ST6GALNAC3: variants seen among roughly 807,000 people sequenced by gnomAD.
The protein encoded by ST6GALNAC3 is alpha-N-acetylgalactosaminide alpha-2,6-sialyltransferase 3.
Under a neutral mutation model 32.7 loss-of-function variants are expected in ST6GALNAC3, and 25 were observed. The ratio of observed to expected loss-of-function variants is 0.76; its 90% confidence interval spans 0.56 to 1.07. ST6GALNAC3 has a LOEUF of 1.07. ST6GALNAC3 is among the 50% of genes least tolerant of loss of function. ST6GALNAC3 has a pLI of 0.00. For synonymous variants in ST6GALNAC3, 129 were observed against 133.1 expected, an observed-to-expected ratio of 0.97 and a Z score of 0.21; for missense variants, 355 against 382.4, an observed-to-expected ratio of 0.93 and a Z score of 0.60.
chr1:76,384,431 T>C (rs1017860201), intron 2 of ST6GALNAC3, among the ~76,000 whole-genome samples: 20 of 152,172 alleles, frequency 1.3e-4, no homozygotes, highest in Non-Finnish European at 2.6e-4. Flanking sequence ...AATCTGACAA[T>C]CATAGTTGGT....
intron 1 of ST6GALNAC3, among the ~76,000 whole-genome samples, chr1:76,274,511 A>C (rs1659028028): frequency 6.6e-6 from 1 of 152,136 alleles, no homozygotes; most frequent in Non-Finnish European, 1.5e-5. Context: ...ATCATTTCAC[A>C]TCAGGAATCC....
intron 3 of ST6GALNAC3, among the ~76,000 whole-genome samples, chr1:76,466,597 C>T (rs1306429329): frequency 6.6e-6 from 1 of 152,066 alleles, no homozygotes; most frequent in Non-Finnish European, 1.5e-5. Flanking sequence ...TGTTAATATA[C>T]TTTGATACTA....
Position 76,631,610 on chromosome 1 carries a change from C to T in ST6GALNAC3, c.*2804C>T, listed in dbSNP as rs1378084995. The T allele has an allele frequency of 6.6e-6, 1 of 151,960 alleles. No individual in the cohort carries two copies. The highest frequency in any genetic ancestry group is 1.5e-5 in the Non-Finnish European group (1 of 67,966). 9.4% of individuals were successfully genotyped at this position (151,960 alleles called of 1,614,324 possible). ...CTGGTCAAATGAAAGATATTCTATC[C>T]AACATTTAAACATTGAAAAATTTAA... On this transcript the variant is annotated 3_prime_UTR_variant, in exon 5 of 5. Transcript: ENST00000328299.
chr1:76,341,047 A>C lies in ST6GALNAC3; in HGVS notation c.213+27048A>C, dbSNP rs142283788. Among the ~76,000 whole-genome samples the C allele has an allele frequency of 6.1e-3, 920 of 151,424 alleles. 4 individuals are homozygous for C. Among genetic ancestry groups the C allele is most frequent in the African/African-American group, 0.021 (873 of 41,284 alleles). On this transcript the variant is annotated intron_variant, in intron 2 of 4. Coordinates refer to ENST00000328299, the MANE Select transcript of ST6GALNAC3 (RefSeq NM_152996.4). ...GGCCGTTTCTGCTTGCTTTTAAAAA[A>C]CTTTAGTTTTAATTTTAGATTTAAA...
intron 3 of ST6GALNAC3, among the ~76,000 whole-genome samples, chr1:76,519,791 G>A (rs532726446): frequency 5.3e-4 from 81 of 151,570 alleles, no homozygotes; most frequent in Admixed American, 1.4e-3. Flanking sequence ...TGGTAATTGT[G>A]CTTTTAATTT....
At chr1:76,565,948 G>T (rs1665530103) in intron 3 of ST6GALNAC3, among the ~76,000 whole-genome samples, 1 of 152,180 alleles carries the variant, frequency 6.6e-6, no homozygotes, top group South Asian at 2.1e-4. Flanking sequence ...TTTATTGTGA[G>T]CAGTGTTGTA....
At chr1:76,221,060 G>C (rs2100604261) in intron 1 of ST6GALNAC3, among the ~76,000 whole-genome samples, 1 of 152,280 alleles carries the variant, frequency 6.6e-6, no homozygotes, top group South Asian at 2.1e-4. Context: ...GCCTGGAGAA[G>C]AGATCCTACT....
intron 1 of ST6GALNAC3, among the ~76,000 whole-genome samples, chr1:76,083,730 TTCAAAATGTAC>T (rs1390327924): frequency 2.0e-5 from 3 of 152,212 alleles, no homozygotes; most frequent in South Asian, 4.1e-4. Context: ...ATACTTTCAT[TTCAAAATGTAC>T]TCAATATAAA....
At chr1:76,100,016 G>A (rs1452022060) in intron 1 of ST6GALNAC3, among the ~76,000 whole-genome samples, 6 of 151,924 alleles carry the variant, frequency 3.9e-5, no homozygotes, top group Non-Finnish European at 7.4e-5. Flanking sequence ...AAGTATTTAT[G>A]ATACAATGGA....
chr1:76,145,855 T>C (rs1243916722), intron 1 of ST6GALNAC3, among the ~76,000 whole-genome samples: 2 of 152,210 alleles, frequency 1.3e-5, no homozygotes, highest in East Asian at 3.8e-4. Flanking sequence ...AATTTATGTG[T>C]TTTTCTAAGT....
intron 2 of ST6GALNAC3, among the ~76,000 whole-genome samples, chr1:76,404,872 G>A (rs942251275): frequency 3.3e-5 from 5 of 152,024 alleles, no homozygotes; most frequent in Admixed American, 6.6e-5. Flanking sequence ...TGAAATGAAA[G>A]GAACCATTAG....
chr1:76,491,471 G>T (rs1171484802), intron 3 of ST6GALNAC3, among the ~76,000 whole-genome samples: 21 of 152,068 alleles, frequency 1.4e-4, no homozygotes, highest in Admixed American at 1.4e-3. Context: ...TTGGGAGGTG[G>T]TGTTCACCCC....
intron 3 of ST6GALNAC3, among the ~76,000 whole-genome samples, chr1:76,413,288 C>T (rs550870723): frequency 1.0e-3 from 157 of 152,156 alleles, no homozygotes; most frequent in South Asian, 3.7e-3. Context: ...TTATATCTAG[C>T]GCTAATAAAG....
chr1:76,398,386 T>C (rs1653147639), intron 2 of ST6GALNAC3, among the ~76,000 whole-genome samples: 1 of 152,122 alleles, frequency 6.6e-6, no homozygotes, highest in Non-Finnish European at 1.5e-5. Context: ...GTGGTATCTT[T>C]CTGGTATTGT....
At chr1:76,597,308 G>A (rs981030687) in intron 3 of ST6GALNAC3, among the ~76,000 whole-genome samples, 7 of 152,086 alleles carry the variant, frequency 4.6e-5, no homozygotes, top group East Asian at 3.9e-4. Flanking sequence ...AGTATATGTC[G>A]CTTGCTGGGT....
At chr1:76,266,682 T>A (rs1658545233) in intron 1 of ST6GALNAC3, among the ~76,000 whole-genome samples, 1 of 152,204 alleles carries the variant, frequency 6.6e-6, no homozygotes, top group Admixed American at 6.5e-5. Flanking sequence ...CTGCTCCATC[T>A]TGATTTTAGC....
At chr1:76,508,248 C>A (rs143544629) in intron 3 of ST6GALNAC3, among the ~76,000 whole-genome samples, 130 of 152,218 alleles carry the variant, frequency 8.5e-4, no homozygotes, top group Non-Finnish European at 1.3e-3. Flanking sequence ...CAACAGGATT[C>A]GTGCTCCTGT....
chr1:76,559,114 G>A (rs1486435865), intron 3 of ST6GALNAC3, among the ~76,000 whole-genome samples: 1 of 151,890 alleles, frequency 6.6e-6, no homozygotes, highest in Non-Finnish European at 1.5e-5. Context: ...CTCTTTACTT[G>A]GAGTAATAAA....
chr1:76,543,048 G>A (rs1664085880), intron 3 of ST6GALNAC3, among the ~76,000 whole-genome samples: 1 of 152,188 alleles, frequency 6.6e-6, no homozygotes, highest in African/African-American at 2.4e-5. Flanking sequence ...CTTTTCTGCA[G>A]AACAGCTCAT....
Sources: allele counts gnomAD v4.1 joint callset (sites outside exome capture counted in the v4.1 genomes callset), GRCh38; gene constraint gnomAD v4.1.1; transcripts MANE v1.5; gene names NCBI Gene and HGNC (gene_info 2026-07-23, HGNC 2026-07-21).